BBS2: variants seen among roughly 807,000 people sequenced by gnomAD.
The protein encoded by BBS2 is Bardet-Biedl syndrome 2.
A neutral mutation model predicts 83.0 loss-of-function variants in BBS2; 62 were observed. That is an observed-to-expected ratio of 0.75 (90% confidence interval 0.61 to 0.92). The LOEUF (loss-of-function observed/expected upper bound fraction) is 0.92. Among genes scored for constraint, BBS2 ranks in the 40% least tolerant of loss-of-function variants. The pLI, the probability that BBS2 is intolerant of heterozygous loss-of-function variation, is 0.00. For synonymous variants in BBS2, 303 were observed against 326.1 expected (o/e 0.93, Z 0.76); for missense variants, 784 against 901.0 (o/e 0.87, Z 1.66).
chr16:56,479,477 C>CAAAAA (rs1236745521), downstream of BBS2, among the ~76,000 whole-genome samples: 1 of 151,648 alleles, frequency 6.6e-6, no homozygotes, highest in Non-Finnish European at 1.5e-5. Flanking sequence ...GAATCCGTCT[C>CAAAAA]AAAAAAAATA....
chr16:56,504,110 C>A (rs1400048018), intron 7 of BBS2, among the ~76,000 whole-genome samples: 5 of 152,144 alleles, frequency 3.3e-5, no homozygotes, highest in African/African-American at 1.2e-4. Context: ...TTACAGCCTA[C>A]CCCTTGTCTA....
chr16:56,480,359 A>AAAACAAAAAAC (rs57856133), downstream of BBS2, among the ~76,000 whole-genome samples: 21,031 of 142,844 alleles, frequency 0.15, 2,263 homozygotes, highest in East Asian at 0.24. Context: ...ACACAAAAAA[A>AAAACAAAAAAC]AAAAAACAAA....
chr16:56,519,680 G>C (rs1395032535), intron 1 of BBS2, 66 bp downstream of exon 1: 1 of 1,352,190 alleles, frequency 7.4e-7, no homozygotes, highest in African/African-American at 1.4e-5. Flanking sequence ...GGGATCCCAG[G>C]GGCGCGGCCG....
chr16:56,482,634 C>T (rs1567562606), downstream of BBS2, among the ~76,000 whole-genome samples: 1 of 152,106 alleles, frequency 6.6e-6, no homozygotes, highest in Non-Finnish European at 1.5e-5. Context: ...AAAGTGGCCA[C>T]ATCAAAATCA....
At chr16:56,481,724 G>T (rs933403657), downstream of BBS2, among the ~76,000 whole-genome samples, 1 of 152,182 alleles carries the variant, frequency 6.6e-6, no homozygotes, top group Non-Finnish European at 1.5e-5. Context: ...ATCTCTCCTT[G>T]TCCAGTTTTT....
downstream of BBS2, among the ~76,000 whole-genome samples, chr16:56,484,046 G>A (rs1305211678): frequency 6.2e-5 from 8 of 128,084 alleles, no homozygotes; most frequent in East Asian, 2.3e-4. Context: ...TCTTGCTGTC[G>A]CCCAGACTGG....
At chr16:56,502,198 A>G (rs894754511) in intron 9 of BBS2, 119 bp downstream of exon 9, 2 of 1,371,774 alleles carry the variant, frequency 1.5e-6, no homozygotes, top group East Asian at 2.3e-5. Flanking sequence ...CAATTCTGAC[A>G]ATGGCAAAAA....
At chr16:56,488,465 A>G (rs1339539431) in intron 15 of BBS2, among the ~76,000 whole-genome samples, 1 of 152,202 alleles carries the variant, frequency 6.6e-6, no homozygotes, top group Non-Finnish European at 1.5e-5. Flanking sequence ...ACTTAATGGC[A>G]TTTGCTAGTT....
chr16:56,476,290 C>A, intron 17 of BBS2: 1 of 1,292,606 alleles, frequency 7.7e-7, no homozygotes, highest in Non-Finnish European at 1.1e-6. Context: ...TCAAGGAGAA[C>A]TACATGGTAG....
At chr16:56,488,758 A>G (rs147713282) in intron 15 of BBS2, among the ~76,000 whole-genome samples, 1 of 151,692 alleles carries the variant, frequency 6.6e-6, no homozygotes, top group Non-Finnish European at 1.5e-5. Flanking sequence ...GAAAGTCCCA[A>G]TCCTCTAATC....
At position 56,497,898 on chromosome 16, in the gene BBS2, A is replaced by T. The variant is rs1418394673; in HGVS notation, c.1660-18T>A. 1 of 1,606,258 alleles carries T rather than the reference A, an allele frequency of 6.2e-7. No homozygotes were observed. Among genetic ancestry groups the T allele is most frequent in the African/African-American group, 1.3e-5 (1 of 75,010 alleles). On this transcript the variant is annotated intron_variant, in intron 13 of 16. Transcript: ENST00000245157. ...ATAGTGATCTACCCAGAGAAAAAAT[A>T]GACAAGTTTAGCATCCTCAGATGTT...
chr16:56,511,401 T>C, intron 2 of BBS2, 117 bp from the exon 3 acceptor site: 1 of 1,415,326 alleles, frequency 7.1e-7, no homozygotes, highest in Non-Finnish European at 9.8e-7. Context: ...TTATTATCCA[T>C]AATGTGGGTG....
intron 7 of BBS2, among the ~76,000 whole-genome samples, chr16:56,504,203 C>G (rs1964361499): frequency 6.6e-6 from 1 of 152,148 alleles, no homozygotes; most frequent in Admixed American, 6.5e-5. Context: ...TGTGAAAGAA[C>G]GAATGACCTG....
downstream of BBS2, among the ~76,000 whole-genome samples, chr16:56,482,068 T>C (rs1422321954): frequency 6.6e-6 from 1 of 152,156 alleles, no homozygotes; most frequent in Non-Finnish European, 1.5e-5. Flanking sequence ...CCATGAGTAT[T>C]TTTAGGTCTA....
chr16:56,500,633 A>AG, intron 11 of BBS2: 1 of 523,458 alleles, frequency 1.9e-6, no homozygotes, highest in East Asian at 3.5e-5. Flanking sequence ...TCAAAAAAAA[A>AG]AAAAAAAAAA....
intron 2 of BBS2, 82 bp from the exon 3 acceptor site, chr16:56,511,366 C>T (rs1379275225): frequency 5.1e-6 from 8 of 1,582,916 alleles, no homozygotes; most frequent in Admixed American, 1.7e-5. Flanking sequence ...TTTGAGTAAA[C>T]TGAGCAGATT....
In BBS2 at chr16:56,498,533, T is replaced by G; in HGVS notation, c.1563A>C (p.Pro521=). 6.2e-7 allele frequency: 1 copy of G among 1,614,130 alleles called. No homozygotes were observed. The highest frequency in any genetic ancestry group is 1.3e-5 in the African/African-American group (1 of 75,054). The change falls in exon 13 of 17, where the codon CCA becomes CCC. Residue 521 remains proline, a synonymous_variant. Coordinates refer to ENST00000245157, the MANE Select transcript of BBS2 (RefSeq NM_031885.5). ...GAGCATTCTGAATGTGAGTGTCTTC[T>G]GGTAACAGAAAGTTCTGACCGAGCC... ...VVWLGQNFLL[P]EDTHIQNAPF... is the part of the protein sequence containing the mutation.
Position 56,502,470 on chromosome 16 carries a change from A to T in BBS2, c.941-14T>A. On this transcript the variant is annotated splice_polypyrimidine_tract_variant and intron_variant, in intron 8 of 16. Coordinates refer to ENST00000245157, the MANE Select transcript of BBS2 (RefSeq NM_031885.5). ...GGTAGCCCCGGACTGAACAGAAGGAAAAAACCGCAAGTATAACCAGGTATA... is the reference window on the plus strand; with the variant it reads ...GGTAGCCCCGGACTGAACAGAAGGATAAAACCGCAAGTATAACCAGGTATA... 1 of 1,614,218 alleles carries T rather than the reference A, an allele frequency of 6.2e-7. No homozygotes were observed. The highest frequency in any genetic ancestry group is 1.1e-5 in the South Asian group (1 of 91,090).
chr16:56,506,008 G>A lies in BBS2; in HGVS notation c.746C>T (p.Ala249Val), dbSNP rs1410845471. ...CACTCCATCAGAATTAAGGTCAAAAGCATGAATGCTCATGGCATGATTTTT... is the reference window on the plus strand; with the variant it reads ...CACTCCATCAGAATTAAGGTCAAAAACATGAATGCTCATGGCATGATTTTT... Reference protein sequence around the residue: ...KSKNHAMSIHAFDLNSDGVNE... With the variant: ...KSKNHAMSIHVFDLNSDGVNE... Residue 249 changes from alanine to valine, a missense_variant, in exon 7 of 17, where the codon GCT becomes GTT. Transcript: ENST00000245157. The A allele has an allele frequency of 6.2e-7, 1 of 1,613,958 alleles. No homozygotes were observed. The highest frequency in any genetic ancestry group is 8.5e-7 in the Non-Finnish European group (1 of 1,179,902).
Sources: gnomAD v4.1 joint callset for allele counts (sites outside exome capture counted in the v4.1 genomes callset) on GRCh38, gnomAD v4.1.1 for gene constraint, MANE v1.5 for transcripts, NCBI Gene and HGNC (gene_info 2026-07-23, HGNC 2026-07-21) for gene names.